The following TANGO6 variants were observed in gnomAD, a reference collection of about 807,000 sequenced individuals.
TANGO6 encodes transport and Golgi organization protein 6 homolog.
A neutral mutation model predicts 114.2 loss-of-function variants in TANGO6; 90 were observed. The observed-to-expected ratio is 0.79, with a 90% CI of 0.66 to 0.94. The LOEUF (loss-of-function observed/expected upper bound fraction) is 0.94. TANGO6 is among the 40% of genes least tolerant of loss of function. TANGO6 has a pLI of 0.00. For synonymous variants in TANGO6, 477 were observed against 509.8 expected (o/e 0.94, Z 0.87); for missense variants, 1,274 against 1,315.3 (o/e 0.97, Z 0.49).
rs368348701 is a variant in TANGO6, at chr16:68,880,597, A to C, written c.1344A>C (p.Glu448Asp). 30 of 1,612,622 alleles carry C rather than the reference A, an allele frequency of 1.9e-5. No homozygotes were observed. The highest frequency in any genetic ancestry group is 2.0e-5 in the Non-Finnish European group (24 of 1,179,326). Residue 448 changes from glutamate to aspartate, a missense_variant, in exon 7 of 18, where the codon GAA becomes GAC. Transcript: ENST00000261778. ...MVPGTILVTE[E>D]ELSRCIEDVF... The stretch of plus-strand genomic sequence containing the variant: ...CAGGAACTATTTTGGTGACAGAAGA[A>C]GAACTTAGTAGATGCATTGAGGATG...
rs1250717104 is a variant in TANGO6 at position 69,023,053 on chromosome 16, A to G, written c.2994+74A>G. On this transcript the variant is annotated intron_variant, in intron 16 of 17. Coordinates refer to ENST00000261778, the MANE Select transcript of TANGO6 (RefSeq NM_024562.2). Reference sequence around the variant, plus strand: ...ACGATGCATCTTGAGATTGGGAGTCAGGAGACCTGGGCTCTTTTTGCAGAT... The same window carrying G: ...ACGATGCATCTTGAGATTGGGAGTCGGGAGACCTGGGCTCTTTTTGCAGAT... The G allele has an allele frequency of 2.1e-6, 3 of 1,434,612 alleles. No homozygotes were observed. In the African/African-American group the frequency reaches 4.3e-5, roughly 21 times the overall value. The allele number at this position is 1,434,612 out of a possible 1,614,324, so 88.9% of individuals were successfully genotyped here. A position where few individuals can be genotyped will look rare whatever the true frequency, so the allele number is the denominator to read the frequency against.
At chr16:68,861,350 C>T (rs909084474) in intron 2 of TANGO6, among the ~76,000 whole-genome samples, 46 of 152,290 alleles carry the variant, frequency 3.0e-4, no homozygotes, top group African/African-American at 1.1e-3. Flanking sequence ...CTCTGTCACC[C>T]GCCTGTGTCA....
intron 16 of TANGO6, among the ~76,000 whole-genome samples, chr16:69,037,343 T>C (rs1959705360): frequency 6.6e-6 from 1 of 152,098 alleles, no homozygotes; most frequent in African/African-American, 2.4e-5. Flanking sequence ...CCAACATGGT[T>C]CTAGGCCAGG....
intron 11 of TANGO6, among the ~76,000 whole-genome samples, chr16:68,911,507 C>T (rs911686559): frequency 9.3e-5 from 14 of 151,286 alleles, no homozygotes; most frequent in African/African-American, 3.4e-4. Flanking sequence ...ACCTCCACCT[C>T]CCGGGTTCAA....
chr16:69,037,469 T>C (rs1959707836), intron 16 of TANGO6, among the ~76,000 whole-genome samples: 2 of 152,224 alleles, frequency 1.3e-5, no homozygotes, highest in Admixed American at 6.5e-5. Context: ...TTCCATAATT[T>C]AGCCATCAGA....
intron 17 of TANGO6, among the ~76,000 whole-genome samples, chr16:69,049,751 T>G (rs1432858804): frequency 1.3e-5 from 2 of 151,914 alleles, no homozygotes; most frequent in Non-Finnish European, 2.9e-5. Flanking sequence ...TTTTTTTTTC[T>G]TTTTTATAAA....
chr16:68,939,345 G>A (rs1304669268), intron 14 of TANGO6, among the ~76,000 whole-genome samples: 5 of 151,926 alleles, frequency 3.3e-5, no homozygotes, highest in Non-Finnish European at 7.4e-5. Flanking sequence ...AGCCAAGATC[G>A]CGCCATTGCA....
chr16:68,947,007 A>G (rs1963420555), intron 14 of TANGO6, among the ~76,000 whole-genome samples: 2 of 152,200 alleles, frequency 1.3e-5, no homozygotes, highest in Admixed American at 6.5e-5. Flanking sequence ...TGAGGCCTAC[A>G]TGAGTTAAGT....
At chr16:68,925,328 C>G (rs563114260) in intron 12 of TANGO6, among the ~76,000 whole-genome samples, 3 of 152,176 alleles carry the variant, frequency 2.0e-5, no homozygotes, top group African/African-American at 7.2e-5. Context: ...GAAAAAATTG[C>G]AATTCCCTAA....
Position 68,927,732 on chromosome 16 carries a change from A to G in TANGO6, c.2292A>G (p.Gln764=). 3 of 1,613,962 alleles carry G rather than the reference A, an allele frequency of 1.9e-6. No homozygotes were observed. The highest frequency in any genetic ancestry group is 1.7e-6 in the Non-Finnish European group (2 of 1,179,882). Residue 764 remains glutamine (Q), a synonymous_variant, in exon 13 of 18, where the codon CAA becomes CAG. Coordinates refer to ENST00000261778, the MANE Select transcript of TANGO6 (RefSeq NM_024562.2). ...FATEAVSMAA[Q]STLNRKDLEG... is the part of the protein sequence containing the mutation. ...CTGAGGCCGTCAGCATGGCTGCCCA[A>G]AGTACACTGAACAGAAAAGATCTGG...
chr16:68,843,826 C>T lies in TANGO6; in HGVS notation c.94+115C>T, dbSNP rs918482957. On this transcript the variant is annotated intron_variant, in intron 1 of 17. Transcript: ENST00000261778. ...CCCTTAGGCCCGCCTCGGGACCCTC[C>T]GCCCGCTGCTGGGGGCTTTGAGCAT... is the stretch of plus-strand genomic sequence containing the variant. 10 of 961,164 alleles carry T rather than the reference C, an allele frequency of 1.0e-5. No homozygotes were observed. The African/African-American group carries it at 1.5e-4, about 14-fold the overall frequency. The allele number at this position is 961,164 out of a possible 1,614,324, so 59.5% of individuals were successfully genotyped here. A position where few individuals can be genotyped will look rare whatever the true frequency, so the allele number is the denominator to read the frequency against.
At chr16:68,882,215 G>C (rs7206658) in intron 7 of TANGO6, among the ~76,000 whole-genome samples, 18,152 of 151,946 alleles carry the variant, frequency 0.12, 1,422 homozygotes, top group African/African-American at 0.21. Flanking sequence ...TGTTCATATA[G>C]GCCGGGCACG....
In TANGO6 at chr16:69,036,062, AG is replaced by A. The variant is rs373383161; in HGVS notation, c.2995-4245del. On this transcript the variant is annotated intron_variant, in intron 16 of 17. Transcript: ENST00000261778. Reference sequence around the variant, plus strand: ...TGCCTCAAAAAAAAAAAAAAAAAAAAGAATGGATTTCTGCCCTCTGAGAGGA... The same window carrying A: ...TGCCTCAAAAAAAAAAAAAAAAAAAAAATGGATTTCTGCCCTCTGAGAGGA... 6.6e-5 allele frequency: 10 copies of A among 151,608 alleles called. No homozygotes were observed. The East Asian group carries it at 1.4e-3, about 21-fold the overall frequency. 9.4% of individuals were successfully genotyped at this position (151,608 alleles called of 1,614,324 possible). A position where few individuals can be genotyped will look rare whatever the true frequency, so the allele number is the denominator to read the frequency against.
At chr16:68,933,076 G>A (rs1963263378) in intron 14 of TANGO6, among the ~76,000 whole-genome samples, 1 of 152,260 alleles carries the variant, frequency 6.6e-6, no homozygotes, top group African/African-American at 2.4e-5. Context: ...GGTGATCTCT[G>A]TAACTTCTCA....
At chr16:68,858,574 A>G (rs1339377968) in intron 1 of TANGO6, among the ~76,000 whole-genome samples, 1 of 151,906 alleles carries the variant, frequency 6.6e-6, no homozygotes, top group Non-Finnish European at 1.5e-5. Flanking sequence ...TCTATGTCCC[A>G]GGCTTAAGCA....
At chr16:68,987,759 A>G (rs750966008) in intron 15 of TANGO6, among the ~76,000 whole-genome samples, 1 of 152,232 alleles carries the variant, frequency 6.6e-6, no homozygotes, top group Non-Finnish European at 1.5e-5. Flanking sequence ...TTTGTCAAGT[A>G]AAGAAAAATA....
chr16:68,870,038 A>G (rs561991285), intron 4 of TANGO6, among the ~76,000 whole-genome samples: 1 of 152,304 alleles, frequency 6.6e-6, no homozygotes, highest in African/African-American at 2.4e-5. Flanking sequence ...TTTAAGAAAG[A>G]GAGAACATGA....
chr16:68,876,212 A>G (rs1334751825), intron 5 of TANGO6, among the ~76,000 whole-genome samples: 1 of 150,788 alleles, frequency 6.6e-6, no homozygotes, highest in African/African-American at 2.4e-5. Flanking sequence ...CCCAGGCTGG[A>G]GTACAATGGT....
At chr16:69,015,816 G>C (rs1367728264) in intron 15 of TANGO6, among the ~76,000 whole-genome samples, 3 of 152,118 alleles carry the variant, frequency 2.0e-5, no homozygotes, top group Non-Finnish European at 4.4e-5. Context: ...CTGGAGCTCA[G>C]TTAGGGCAGG....
Sources: allele counts gnomAD v4.1 joint callset (sites outside exome capture counted in the v4.1 genomes callset), GRCh38; gene constraint gnomAD v4.1.1; transcripts MANE v1.5; gene names NCBI Gene and HGNC (gene_info 2026-07-23, HGNC 2026-07-21).